The following RAB18 variants were observed in gnomAD, a reference collection of about 807,000 sequenced individuals.
RAB18 encodes RAB18, member RAS oncogene family.
Under a neutral mutation model 28.5 loss-of-function variants are expected in RAB18, and 10 were observed. The ratio of observed to expected loss-of-function variants is 0.35; its 90% CI spans 0.22 to 0.60. RAB18 has a LOEUF of 0.60. Among genes scored for constraint, RAB18 ranks in the 20% least tolerant of loss-of-function variants. The probability of loss-of-function intolerance (pLI) is 0.78; values close to 1 mark genes in which losing one functional copy is unlikely to be tolerated. For synonymous variants in RAB18, 93 were observed against 86.9 expected (o/e 1.07, Z -0.39); for missense variants, 188 against 244.2 (o/e 0.77, Z 1.53).
At chr10:27,510,840 A>T (rs1425684583) in intron 2 of RAB18, among the ~76,000 whole-genome samples, 1 of 152,192 alleles carries the variant, frequency 6.6e-6, no homozygotes, top group East Asian at 1.9e-4. Context: ...TCTATTTTTA[A>T]AATTTTATTG....
intron 3 of RAB18, among the ~76,000 whole-genome samples, chr10:27,527,533 C>T (rs894340903): frequency 6.6e-6 from 1 of 151,824 alleles, no homozygotes; most frequent in African/African-American, 2.4e-5. Flanking sequence ...TATTTACCCA[C>T]CCACATACCG....
At chr10:27,535,146 G>A (rs570083102) in intron 6 of RAB18, among the ~76,000 whole-genome samples, 30 of 152,216 alleles carry the variant, frequency 2.0e-4, no homozygotes, top group Non-Finnish European at 3.1e-4. Flanking sequence ...AAATCCCTCA[G>A]GTGAGGATCT....
intron 6 of RAB18, among the ~76,000 whole-genome samples, chr10:27,535,889 A>G (rs1438209254): frequency 1.3e-5 from 2 of 152,012 alleles, no homozygotes; most frequent in African/African-American, 4.8e-5. Flanking sequence ...GATCGAGACC[A>G]TGGCTAACAC....
chr10:27,528,345 T>C, intron 3 of RAB18: 1 of 486,866 alleles, frequency 2.1e-6, no homozygotes, highest in South Asian at 1.5e-5. Flanking sequence ...GTAAGAATAA[T>C]ACAGGGTCAT....
intron 2 of RAB18, among the ~76,000 whole-genome samples, chr10:27,526,000 T>C (rs1291276967): frequency 6.6e-6 from 1 of 152,204 alleles, no homozygotes; most frequent in East Asian, 1.9e-4. Flanking sequence ...GACTGAACTC[T>C]TGAAAGACAT....
chr10:27,505,851 T>A (rs896866766), intron 1 of RAB18, among the ~76,000 whole-genome samples: 2 of 152,100 alleles, frequency 1.3e-5, no homozygotes, highest in Non-Finnish European at 2.9e-5. Flanking sequence ...AGCCACCAGT[T>A]TGACAACACA....
chr10:27,535,118 G>C (rs1449439373), intron 6 of RAB18, among the ~76,000 whole-genome samples: 1 of 152,200 alleles, frequency 6.6e-6, no homozygotes, highest in Non-Finnish European at 1.5e-5. Flanking sequence ...GTTCTTAGAG[G>C]CTGTCCCATT....
At position 27,538,976 on chromosome 10, in the gene RAB18, A is replaced by G. The variant is rs1294330466; in HGVS notation, c.*925A>G. The G allele has an allele frequency of 2.3e-6, 1 of 442,260 alleles. No homozygotes were observed. The highest frequency in any genetic ancestry group is 2.0e-5 in the African/African-American group (1 of 49,434). 27.4% of individuals were successfully genotyped at this position (442,260 alleles called of 1,614,324 possible). On this transcript the variant is annotated 3_prime_UTR_variant, in exon 7 of 7. Coordinates refer to ENST00000356940, the MANE Select transcript of RAB18 (RefSeq NM_021252.5). ...ATGGCTAGTTGATATTCAAAAACCT[A>G]TTTCTGTGTTTTGAGGGGTGGGGAA... is the stretch of plus-strand genomic sequence containing the variant.
intron 1 of RAB18, among the ~76,000 whole-genome samples, chr10:27,508,833 A>G (rs1016088760): frequency 5.3e-5 from 8 of 152,202 alleles, no homozygotes; most frequent in Non-Finnish European, 1.2e-4. Flanking sequence ...ACCTATAGAA[A>G]GAGTCATAAG....
intron 6 of RAB18, 45 bp downstream of exon 6, chr10:27,534,039 AT>A (rs1167491031): frequency 1.3e-6 from 2 of 1,520,750 alleles, no homozygotes; most frequent in African/African-American, 2.7e-5. Flanking sequence ...TTAATGAGGA[AT>A]TTTTGAATGG....
chr10:27,513,038 T>A (rs71492555), intron 2 of RAB18, among the ~76,000 whole-genome samples: 51,430 of 137,848 alleles, frequency 0.37, 9,827 homozygotes, highest in Middle Eastern at 0.47. Flanking sequence ...ATATATTTTT[T>A]TTTTTTTTTT....
At chr10:27,518,611 G>T (rs1834484788) in intron 2 of RAB18, among the ~76,000 whole-genome samples, 1 of 151,884 alleles carries the variant, frequency 6.6e-6, no homozygotes, top group Non-Finnish European at 1.5e-5. Flanking sequence ...TTTTAAGTGG[G>T]TTTTTTGCTT....
rs570137652 is a variant in RAB18 at position 27,512,793 on chromosome 10, A to C, written c.124+2863A>C. On this transcript the variant is annotated intron_variant, in intron 2 of 6. Transcript: ENST00000356940. ...CATACATATAATATTAACTGTCTTC[A>C]TTACAAACCCAAATGGAATTTGGGG... Among the ~76,000 whole-genome samples the C allele has an allele frequency of 6.6e-5, 10 of 152,208 alleles. No homozygotes were observed. In the South Asian group the frequency reaches 2.1e-3, roughly 32 times the overall value.
rs573902069 is a variant in RAB18 at position 27,539,000 on chromosome 10, A to G, written c.*949A>G. 5 of 428,928 alleles carry G rather than the reference A, an allele frequency of 1.2e-5. No homozygotes were observed. Among genetic ancestry groups the G allele is most frequent in the East Asian group, 1.4e-4 (2 of 13,960 alleles). The allele number at this position is 428,928 out of a possible 1,614,324, so 26.6% of individuals were successfully genotyped here. A position where few individuals can be genotyped will look rare whatever the true frequency, so the allele number is the denominator to read the frequency against. ...TATTTCTGTGTTTTGAGGGGTGGGGAAAAAAAACACTAAGTGATAATTTGA... is the reference window on the plus strand; with the variant it reads ...TATTTCTGTGTTTTGAGGGGTGGGGGAAAAAAACACTAAGTGATAATTTGA... On this transcript the variant is annotated 3_prime_UTR_variant, in exon 7 of 7. Transcript: ENST00000356940.
intron 3 of RAB18, chr10:27,528,380 A>G: frequency 2.2e-6 from 1 of 463,708 alleles, no homozygotes; most frequent in Non-Finnish European, 4.3e-6. Context: ...TTGAGACAAT[A>G]AGAAGAGCAG....
chr10:27,523,658 G>T (rs1366064918), intron 2 of RAB18, among the ~76,000 whole-genome samples: 2 of 147,152 alleles, frequency 1.4e-5, no homozygotes, highest in African/African-American at 5.0e-5. Context: ...TGTTATCCAG[G>T]CTGGGCTGCA....
chr10:27,533,263 G>A (rs1284557567), intron 4 of RAB18, among the ~76,000 whole-genome samples: 1 of 151,856 alleles, frequency 6.6e-6, no homozygotes, highest in Non-Finnish European at 1.5e-5. Flanking sequence ...AGACCACCAG[G>A]AACCCATCTA....
At chr10:27,534,067 A>C in intron 6 of RAB18, 73 bp downstream of exon 6, 4 of 1,377,614 alleles carry the variant, frequency 2.9e-6, no homozygotes, top group South Asian at 2.3e-5. Flanking sequence ...TGCCAAGTTT[A>C]TTTCTTTATG....
chr10:27,538,124 C>T lies in RAB18; in HGVS notation c.*73C>T, dbSNP rs888125116. 1.9e-6 allele frequency: 3 copies of T among 1,577,500 alleles called. No homozygotes were observed. The highest frequency in any genetic ancestry group is 2.6e-6 in the Non-Finnish European group (3 of 1,147,576). ...TTTCTGTATATAAACTCTTTAACTG[C>T]TATTTTAGGGACCTTGCAGTTTGCA... On this transcript the variant is annotated 3_prime_UTR_variant, in exon 7 of 7. Coordinates refer to ENST00000356940, the MANE Select transcript of RAB18 (RefSeq NM_021252.5).
Sources: gnomAD v4.1 joint callset for allele counts (sites outside exome capture counted in the v4.1 genomes callset) on GRCh38, gnomAD v4.1.1 for gene constraint, MANE v1.5 for transcripts, NCBI Gene and HGNC (gene_info 2026-07-23, HGNC 2026-07-21) for gene names.